The following SYNPR variants were observed in gnomAD, a reference collection of about 807,000 sequenced individuals.
SYNPR encodes the protein synaptoporin.
In SYNPR, 23 loss-of-function variants were observed where a neutral mutation model predicts 32.9. The observed-to-expected ratio is 0.70, with a 90% CI of 0.50 to 0.99. The LOEUF is 0.99. Among genes scored for constraint, SYNPR ranks in the 50% least tolerant of loss-of-function variants. The probability of loss-of-function intolerance (pLI) is 0.00; values close to 1 mark genes in which losing one functional copy is unlikely to be tolerated. For synonymous variants in SYNPR, 146 were observed against 135.9 expected, an observed-to-expected ratio of 1.07 and a Z score of -0.52; for missense variants, 318 against 349.3, an observed-to-expected ratio of 0.91 and a Z score of 0.71.
At chr3:63,283,685 T>A (rs1420706899) in intron 2 of SYNPR, among the ~76,000 whole-genome samples, 1 of 147,578 alleles carries the variant, frequency 6.8e-6, no homozygotes, top group East Asian at 2.0e-4. Context: ...AGGGCAGTGA[T>A]AAAATAGGTC....
the SYNPR span, among the ~76,000 whole-genome samples, chr3:63,210,256 T>C: frequency 6.6e-6 from 1 of 152,222 alleles, no homozygotes; most frequent in African/African-American, 2.4e-5. Context: ...GGGCCTACTG[T>C]ATGCTGGGTG....
chr3:63,224,734 T>C (rs1292894632), upstream of SYNPR, among the ~76,000 whole-genome samples: 2 of 152,252 alleles, frequency 1.3e-5, no homozygotes, highest in South Asian at 2.1e-4. Context: ...GCTGGAGAAA[T>C]TGAGGAGAGA....
intron 2 of SYNPR, among the ~76,000 whole-genome samples, chr3:63,256,926 A>G (rs1365561251): frequency 3.9e-5 from 6 of 152,238 alleles, no homozygotes; most frequent in African/African-American, 1.4e-4. Flanking sequence ...ACGAATGCAC[A>G]AGCCTCAGCA....
intron 4 of SYNPR, among the ~76,000 whole-genome samples, chr3:63,596,884 A>G (rs1699968849): frequency 6.6e-6 from 1 of 152,290 alleles, no homozygotes; most frequent in African/African-American, 2.4e-5. Context: ...ATAGGATAGC[A>G]CTAGTAACAT....
At chr3:63,370,856 T>C (rs538609725) in intron 2 of SYNPR, among the ~76,000 whole-genome samples, 7 of 152,176 alleles carry the variant, frequency 4.6e-5, no homozygotes, top group South Asian at 2.1e-4. Flanking sequence ...AAGACCCCTA[T>C]ATAAACACAG....
chr3:63,416,717 A>G lies in SYNPR; in HGVS notation c.85-64115A>G, dbSNP rs144645019. 2.6e-3 allele frequency among the ~76,000 whole-genome samples: 398 copies of G among 152,208 alleles called. 3 individuals are homozygous for G. The highest frequency in any genetic ancestry group is 9.0e-3 in the African/African-American group (375 of 41,536). On this transcript the variant is annotated intron_variant, in intron 2 of 5. Transcript: ENST00000478300. ...GGCCTCAAAATTATGGTGGAAGACA[A>G]GGAAGAGCAAGTGACATCTTACGTG...
At chr3:63,244,079 A>G (rs919123968) in intron 1 of SYNPR, among the ~76,000 whole-genome samples, 1 of 152,046 alleles carries the variant, frequency 6.6e-6, no homozygotes, top group Admixed American at 6.6e-5. Context: ...GCAACCCTGA[A>G]TTTAGTGAAA....
At chr3:63,328,183 T>TA (rs757857433) in intron 2 of SYNPR, among the ~76,000 whole-genome samples, 1 of 151,938 alleles carries the variant, frequency 6.6e-6, no homozygotes, top group African/African-American at 2.4e-5. Flanking sequence ...ACTAAGCCAT[T>TA]AAAAAAAATT....
chr3:63,437,695 A>C (rs1700109629), intron 2 of SYNPR, among the ~76,000 whole-genome samples: 1 of 152,092 alleles, frequency 6.6e-6, no homozygotes, highest in South Asian at 2.1e-4. Context: ...GAAAGAAGAA[A>C]GAGAAAGAAG....
intron 2 of SYNPR, among the ~76,000 whole-genome samples, chr3:63,428,992 T>C (rs1384166646): frequency 6.6e-6 from 1 of 152,082 alleles, no homozygotes; most frequent in Non-Finnish European, 1.5e-5. Context: ...AAAGGAATAA[T>C]AGGGTCATTT....
chr3:63,504,676 T>C (rs957063516), intron 3 of SYNPR, among the ~76,000 whole-genome samples: 1 of 152,144 alleles, frequency 6.6e-6, no homozygotes, highest in African/African-American at 2.4e-5. Context: ...TTTTAAAATA[T>C]GTCTTGATCT....
At chr3:63,292,815 G>A (rs2086753675) in intron 2 of SYNPR, among the ~76,000 whole-genome samples, 1 of 152,192 alleles carries the variant, frequency 6.6e-6, no homozygotes, top group East Asian at 1.9e-4. Context: ...GCACACATAT[G>A]TTCTTTGTAC....
At chr3:63,517,251 T>A (rs1037542047) in intron 3 of SYNPR, among the ~76,000 whole-genome samples, 24 of 152,158 alleles carry the variant, frequency 1.6e-4, no homozygotes, top group African/African-American at 5.5e-4. Context: ...ATCTTAACTC[T>A]GTCTCAGTTT....
At chr3:63,595,785 A>AAT (rs1559546293) in intron 4 of SYNPR, among the ~76,000 whole-genome samples, 1 of 46,670 alleles carries the variant, frequency 2.1e-5, no homozygotes, top group African/African-American at 1.3e-4. Flanking sequence ...ATATATATAT[A>AAT]GTTATATATA....
intron 2 of SYNPR, among the ~76,000 whole-genome samples, chr3:63,476,135 AAGGAAGGAAGGAAGGGAGGGAGGGAGGG>A (rs1474011581): frequency 2.2e-4 from 8 of 35,972 alleles, no homozygotes; most frequent in Non-Finnish European, 3.7e-4. Flanking sequence ...GGAAGGAAGG[AAGGAAGGAAGGAAGGGAGGGAGGGAGGG>A]AGGGAGGGAG....
chr3:63,581,144 T>C (rs1272703110), intron 4 of SYNPR, among the ~76,000 whole-genome samples: 1 of 152,132 alleles, frequency 6.6e-6, no homozygotes, highest in Non-Finnish European at 1.5e-5. Context: ...CTCAGGGGTG[T>C]TTTCCACCAC....
chr3:63,209,992 A>G, the SYNPR span, among the ~76,000 whole-genome samples: 1 of 152,322 alleles, frequency 6.6e-6, no homozygotes, highest in African/African-American at 2.4e-5. Flanking sequence ...AATGAGGTTT[A>G]GAAAACCTCA....
intron 4 of SYNPR, among the ~76,000 whole-genome samples, chr3:63,577,192 G>A (rs543980525): frequency 1.3e-5 from 2 of 152,162 alleles, no homozygotes; most frequent in South Asian, 2.1e-4. Context: ...GCATGTGGCT[G>A]GGTAAACGCA....
At chr3:63,319,412 C>T (rs1348333972) in intron 2 of SYNPR, among the ~76,000 whole-genome samples, 2 of 151,888 alleles carry the variant, frequency 1.3e-5, no homozygotes, top group Admixed American at 1.3e-4. Flanking sequence ...TCTGTGTCTT[C>T]AGTAAAGTTG....
Sources: gnomAD v4.1 joint callset for allele counts (sites outside exome capture counted in the v4.1 genomes callset) on GRCh38, gnomAD v4.1.1 for gene constraint, MANE v1.5 for transcripts, NCBI Gene and HGNC (gene_info 2026-07-23, HGNC 2026-07-21) for gene names.